The following SAMMSON variants were observed in gnomAD, a reference collection of about 807,000 sequenced individuals.
SAMMSON encodes the protein long intergenic non-protein coding RNA 1212.
At chr3:70,288,535 A>G (rs1431312238) in intron 6 of SAMMSON, among the ~76,000 whole-genome samples, 2 of 149,878 alleles carry the variant, frequency 1.3e-5, no homozygotes, top group African/African-American at 2.5e-5. Flanking sequence ...TGTATATTCT[A>G]TTGATTTGGG....
chr3:70,406,741 A>G (rs1005668861), intron 2 of SAMMSON, among the ~76,000 whole-genome samples: 3 of 152,204 alleles, frequency 2.0e-5, no homozygotes, highest in African/African-American at 7.2e-5. Context: ...GGGCTGATGG[A>G]GGAGATTAAT....
At chr3:70,280,660 G>A (rs1254585276) in intron 6 of SAMMSON, among the ~76,000 whole-genome samples, 2 of 152,038 alleles carry the variant, frequency 1.3e-5, no homozygotes, top group Admixed American at 1.3e-4. Flanking sequence ...CTCTGAGGCT[G>A]GCCATAGAAA....
intron 2 of SAMMSON, among the ~76,000 whole-genome samples, chr3:70,013,149 GTGATGATGATGA>G (rs370433914): frequency 1.3e-5 from 2 of 151,884 alleles, no homozygotes; most frequent in Non-Finnish European, 2.9e-5. Context: ...TATAGTAAAT[GTGATGATGATGA>G]TGATGATGAT....
intron 3 of SAMMSON, among the ~76,000 whole-genome samples, chr3:70,041,156 A>AT (rs776815203): frequency 7.2e-5 from 11 of 152,232 alleles, no homozygotes; most frequent in Admixed American, 2.0e-4. Context: ...TAAAGTTTAG[A>AT]TTTAAAGACC....
chr3:70,301,899 A>G (rs112025244), intron 7 of SAMMSON, among the ~76,000 whole-genome samples: 23 of 152,208 alleles, frequency 1.5e-4, no homozygotes, highest in African/African-American at 5.1e-4. Context: ...TTGATACGTG[A>G]AAGAGGAGTT....
At chr3:70,276,900 T>C (rs1268321531) in intron 6 of SAMMSON, among the ~76,000 whole-genome samples, 1 of 152,154 alleles carries the variant, frequency 6.6e-6, no homozygotes, top group African/African-American at 2.4e-5. Flanking sequence ...AGAAAGTTTA[T>C]GTTCTCAACT....
At chr3:70,063,822 G>T (rs1023027908) in intron 3 of SAMMSON, among the ~76,000 whole-genome samples, 4 of 152,086 alleles carry the variant, frequency 2.6e-5, no homozygotes, top group African/African-American at 9.7e-5. Context: ...GCAAAATTCA[G>T]CTGTTTAATG....
At chr3:70,396,524 T>C (rs1354792301) in intron 2 of SAMMSON, among the ~76,000 whole-genome samples, 1 of 152,220 alleles carries the variant, frequency 6.6e-6, no homozygotes, top group East Asian at 1.9e-4. Flanking sequence ...CTGACATTGT[T>C]CTAGGGATAC....
intron 2 of SAMMSON, among the ~76,000 whole-genome samples, chr3:70,412,442 G>A (rs1177417723): frequency 6.6e-6 from 1 of 152,182 alleles, no homozygotes; most frequent in Non-Finnish European, 1.5e-5. Flanking sequence ...TGGAAAAAGT[G>A]TAAGTATGCA....
At chr3:70,366,492 G>GTTTTTTTTTTTTTTTTTTTTTTCTTTTTT in intron 9 of SAMMSON, among the ~76,000 whole-genome samples, 1 of 100,758 alleles carries the variant, frequency 9.9e-6, no homozygotes, top group Non-Finnish European at 2.1e-5. Flanking sequence ...GTGTTTTTAT[G>GTTTTTTTTTTTTTTTTTTTTTTCTTTTTT]TTTTTTTTTT....
intron 6 of SAMMSON, among the ~76,000 whole-genome samples, chr3:70,254,320 A>T (rs967496055): frequency 7.2e-5 from 11 of 152,198 alleles, no homozygotes; most frequent in Admixed American, 5.2e-4. Flanking sequence ...AACCCCAAAC[A>T]TTCTAAAATT....
At chr3:70,087,262 G>A (rs1200504434) in intron 4 of SAMMSON, among the ~76,000 whole-genome samples, 1 of 152,176 alleles carries the variant, frequency 6.6e-6, no homozygotes, top group African/African-American at 2.4e-5. Flanking sequence ...TTTTGACCAA[G>A]TCTCATTCCA....
In SAMMSON at chr3:70,237,781, G is replaced by A. The variant is rs78137455; in HGVS notation, n.508-11326G>A. Among the ~76,000 whole-genome samples, 1,308 of 152,158 alleles carry A rather than the reference G, an allele frequency of 8.6e-3. 21 individuals carry two copies. The highest frequency in any genetic ancestry group is 0.03 in the African/African-American group (1,230 of 41,492). On this transcript the variant is annotated intron_variant and non_coding_transcript_variant, in intron 4 of 9. Coordinates refer to ENST00000642114, the Ensembl canonical transcript of SAMMSON. ...GTGCATGTGTTATGATTTGTATGCC[G>A]GTGCCATGGCAGCCATATTGTGGGC...
intron 4 of SAMMSON, among the ~76,000 whole-genome samples, chr3:70,212,635 A>G (rs189832301): frequency 1.2e-3 from 188 of 152,230 alleles, no homozygotes; most frequent in African/African-American, 4.2e-3. Context: ...ATACAGTGAC[A>G]ACTCTCTTCA....
At chr3:70,301,583 A>G (rs935297015) in intron 7 of SAMMSON, among the ~76,000 whole-genome samples, 12 of 152,100 alleles carry the variant, frequency 7.9e-5, no homozygotes, top group Non-Finnish European at 1.6e-4. Flanking sequence ...ATTATTTTGT[A>G]AAACGAATGC....
chr3:70,402,665 C>T (rs1313987066), intron 2 of SAMMSON, among the ~76,000 whole-genome samples: 1 of 152,080 alleles, frequency 6.6e-6, no homozygotes, highest in African/African-American at 2.4e-5. Flanking sequence ...AGTTCAAGAC[C>T]AGCCTGGCCA....
intron 4 of SAMMSON, among the ~76,000 whole-genome samples, chr3:70,186,438 A>T (rs919683894): frequency 2.0e-5 from 3 of 151,350 alleles, no homozygotes; most frequent in Non-Finnish European, 2.9e-5. Context: ...TTATTTTTTT[A>T]TTTTTTGGTA....
chr3:70,318,445 G>A (rs1702510572), intron 7 of SAMMSON, among the ~76,000 whole-genome samples: 2 of 144,588 alleles, frequency 1.4e-5, no homozygotes, highest in South Asian at 4.4e-4. Flanking sequence ...TACACTTTCA[G>A]TGTGAGAATT....
At chr3:70,022,385 A>C (rs528218771) in intron 3 of SAMMSON, among the ~76,000 whole-genome samples, 29 of 146,806 alleles carry the variant, frequency 2.0e-4, no homozygotes, top group African/African-American at 7.2e-4. Context: ...TAACAAACTT[A>C]CACATTGTGC....
Sources: gnomAD v4.1 joint callset for allele counts (sites outside exome capture counted in the v4.1 genomes callset) on GRCh38, gnomAD v4.1.1 for gene constraint, MANE v1.5 for transcripts, NCBI Gene and HGNC (gene_info 2026-07-23, HGNC 2026-07-21) for gene names.